LHFPL3: variants seen among roughly 807,000 people sequenced by gnomAD.
LHFPL3 encodes LHFPL tetraspan subfamily member 3 protein.
A neutral mutation model predicts 19.3 loss-of-function variants in LHFPL3; 5 were observed. The observed-to-expected ratio is 0.26, with a 90% CI of 0.14 to 0.54. The LOEUF (loss-of-function observed/expected upper bound fraction) is 0.54, where lower values mean the gene tolerates loss of function less well. LHFPL3 is among the 20% of genes least tolerant of loss of function. LHFPL3 has a pLI of 0.94. For missense variants in LHFPL3, 249 were observed against 307.4 expected, an observed-to-expected ratio of 0.81 and a Z score of 1.42; for synonymous variants, 133 against 126.2, an observed-to-expected ratio of 1.05 and a Z score of -0.36.
At chr7:104,898,737 T>C (rs2116722914) in intron 2 of LHFPL3, among the ~76,000 whole-genome samples, 1 of 152,268 alleles carries the variant, frequency 6.6e-6, no homozygotes, top group East Asian at 1.9e-4. Flanking sequence ...GGAGAACTGC[T>C]TGAGCTCAGA....
intron 1 of LHFPL3, among the ~76,000 whole-genome samples, chr7:104,530,614 A>G (rs1019263247): frequency 6.6e-6 from 1 of 152,216 alleles, no homozygotes; most frequent in South Asian, 2.1e-4. Flanking sequence ...TTTCTTAACC[A>G]TAGTTCGTTA....
chr7:104,681,452 G>C (rs186040898), intron 1 of LHFPL3, among the ~76,000 whole-genome samples: 4 of 151,948 alleles, frequency 2.6e-5, no homozygotes, highest in Non-Finnish European at 4.4e-5. Context: ...ATGAAACCCC[G>C]TCTCTACTAA....
chr7:104,617,078 T>C (rs1253683035), intron 1 of LHFPL3, among the ~76,000 whole-genome samples: 1 of 152,190 alleles, frequency 6.6e-6, no homozygotes, highest in East Asian at 1.9e-4. Flanking sequence ...TCAACTATTG[T>C]GGAAGACAGT....
intron 1 of LHFPL3, among the ~76,000 whole-genome samples, chr7:104,613,906 G>T (rs541426364): frequency 1.3e-5 from 2 of 152,304 alleles, no homozygotes; most frequent in South Asian, 4.1e-4. Context: ...GGGGAGGTTG[G>T]TCAGTGTGAT....
At chr7:104,865,505 C>T (rs1327321299) in intron 2 of LHFPL3, among the ~76,000 whole-genome samples, 2 of 152,142 alleles carry the variant, frequency 1.3e-5, no homozygotes, top group Non-Finnish European at 1.5e-5. Context: ...TGAAATGAAG[C>T]AAGAAGACAA....
chr7:104,485,598 C>A (rs567024097), intron 1 of LHFPL3, among the ~76,000 whole-genome samples: 3 of 152,214 alleles, frequency 2.0e-5, no homozygotes, highest in Admixed American at 2.0e-4. Flanking sequence ...TGCTCTGGAA[C>A]CATTTAATGA....
intron 1 of LHFPL3, among the ~76,000 whole-genome samples, chr7:104,677,655 C>A (rs1208954504): frequency 6.6e-6 from 1 of 152,150 alleles, no homozygotes; most frequent in Non-Finnish European, 1.5e-5. Flanking sequence ...CAGTCCTGTC[C>A]GCTGGAACTT....
intron 1 of LHFPL3, among the ~76,000 whole-genome samples, chr7:104,558,792 C>T (rs1336475236): frequency 4.1e-5 from 6 of 146,078 alleles, no homozygotes; most frequent in Admixed American, 2.0e-4. Context: ...AGGTTTTCTT[C>T]TAGGGTTTTT....
chr7:104,517,212 T>C (rs2115792204), intron 1 of LHFPL3, among the ~76,000 whole-genome samples: 1 of 152,144 alleles, frequency 6.6e-6, no homozygotes, highest in Non-Finnish European at 1.5e-5. Flanking sequence ...AATACCTGGG[T>C]GATGAAATAA....
chr7:104,505,961 C>T (rs1413171535), intron 1 of LHFPL3, among the ~76,000 whole-genome samples: 1 of 151,898 alleles, frequency 6.6e-6, no homozygotes, highest in Non-Finnish European at 1.5e-5. Flanking sequence ...ACACATAATA[C>T]ATAGGCATTT....
intron 2 of LHFPL3, among the ~76,000 whole-genome samples, chr7:104,837,091 G>A (rs1791112675): frequency 6.6e-6 from 1 of 152,188 alleles, no homozygotes; most frequent in South Asian, 2.1e-4. Flanking sequence ...CTTCATATCT[G>A]CCACCGATGG....
chr7:104,527,431 G>A (rs1397462218), intron 1 of LHFPL3, among the ~76,000 whole-genome samples: 1 of 152,036 alleles, frequency 6.6e-6, no homozygotes, highest in Non-Finnish European at 1.5e-5. Context: ...GAGGTGGCGA[G>A]GTGTGGACAG....
chr7:104,532,318 CTTTTTTTT>C (rs71155504), intron 1 of LHFPL3, among the ~76,000 whole-genome samples: 6 of 87,224 alleles, frequency 6.9e-5, no homozygotes, highest in African/African-American at 1.3e-4. Flanking sequence ...TTCTTTCTGT[CTTTTTTTT>C]TTTTTTTTTT....
chr7:104,514,344 C>T (rs574196239), intron 1 of LHFPL3, among the ~76,000 whole-genome samples: 2 of 152,286 alleles, frequency 1.3e-5, no homozygotes, highest in Admixed American at 1.3e-4. Context: ...CCAGTACTTA[C>T]CACAGTTATA....
intron 1 of LHFPL3, among the ~76,000 whole-genome samples, chr7:104,600,891 G>T (rs191249561): frequency 6.6e-6 from 1 of 152,272 alleles, no homozygotes; most frequent in East Asian, 1.9e-4. Flanking sequence ...GACTGCTTTG[G>T]ACCAGGCACT....
intron 1 of LHFPL3, among the ~76,000 whole-genome samples, chr7:104,565,923 C>T (rs769981695): frequency 2.0e-5 from 3 of 152,116 alleles, no homozygotes; most frequent in Non-Finnish European, 4.4e-5. Flanking sequence ...TGTGACAGAG[C>T]CAACAAGCAT....
chr7:104,880,720 CT>C (rs1792034028), intron 2 of LHFPL3, among the ~76,000 whole-genome samples: 1 of 151,586 alleles, frequency 6.6e-6, no homozygotes, highest in Non-Finnish European at 1.5e-5. Flanking sequence ...CAAAATATTA[CT>C]GTTCATTGAC....
chr7:104,433,938 C>T (rs1437224440), intron 1 of LHFPL3, among the ~76,000 whole-genome samples: 1 of 152,188 alleles, frequency 6.6e-6, no homozygotes. Flanking sequence ...GATAAAAATA[C>T]ATGCATATAC....
rs1789964938 is a variant in LHFPL3 at position 104,342,028 on chromosome 7, C to CTA, written c.445+12807_445+12808dup. On this transcript the variant is annotated intron_variant, in intron 1 of 2. Coordinates refer to ENST00000424859, the MANE Select transcript of LHFPL3 (RefSeq NM_199000.3). ...ATATAAAATGCTTTGAAATTACTCT[C>CTA]TATAATCTATCTGACCTTTGGAGAA... is the stretch of plus-strand genomic sequence containing the variant. Among the ~76,000 whole-genome samples the CTA allele has an allele frequency of 4.6e-5, 7 of 152,238 alleles. No individual in the cohort carries two copies. In the South Asian group the frequency reaches 1.4e-3, roughly 32 times the overall value.
Sources: gnomAD v4.1 joint callset for allele counts (sites outside exome capture counted in the v4.1 genomes callset) on GRCh38, gnomAD v4.1.1 for gene constraint, MANE v1.5 for transcripts, NCBI Gene and HGNC (gene_info 2026-07-23, HGNC 2026-07-21) for gene names.